TCF3: variants seen among roughly 807,000 people sequenced by gnomAD.
TCF3 encodes the protein transcription factor E2-alpha.
A neutral mutation model predicts 72.3 loss-of-function variants in TCF3; 54 were observed. The observed-to-expected ratio is 0.75, with a 90% confidence interval of 0.60 to 0.94. The LOEUF (loss-of-function observed/expected upper bound fraction) is 0.94, where lower values mean the gene tolerates loss of function less well. Among genes scored for constraint, TCF3 ranks in the 40% least tolerant of loss-of-function variants. The pLI, the probability that TCF3 is intolerant of heterozygous loss-of-function variation, is 0.00. For synonymous variants in TCF3, 525 were observed against 412.6 expected, an observed-to-expected ratio of 1.27 and a Z score of -3.30; for missense variants, 1,078 against 934.4, an observed-to-expected ratio of 1.15 and a Z score of -2.00.
At chr19:1,622,264 C>T in intron 9 of TCF3, 41 bp from the exon 10 acceptor site, 1 of 1,509,802 alleles carries the variant, frequency 6.6e-7, no homozygotes, top group Non-Finnish European at 8.9e-7. Flanking sequence ...GAGTGGGGAA[C>T]CCCAGCCCTG....
At chr19:1,622,482 G>T (rs1023915268) in intron 8 of TCF3, 67 bp from the exon 9 acceptor site, 3 of 889,830 alleles carry the variant, frequency 3.4e-6, no homozygotes, top group Non-Finnish European at 4.9e-6. Context: ...CATGCACCTT[G>T]CCGGCCTCCT....
At chr19:1,612,287 T>G in intron 18 of TCF3, 2 of 1,613,754 alleles carry the variant, frequency 1.2e-6, no homozygotes, top group Non-Finnish European at 1.7e-6. Flanking sequence ...TTTGTCCGAC[T>G]TGAGGTGCAT....
intron 3 of TCF3, among the ~76,000 whole-genome samples, chr19:1,636,268 T>C (rs1029387272): frequency 4.6e-5 from 7 of 152,026 alleles, no homozygotes; most frequent in Non-Finnish European, 1.0e-4. Flanking sequence ...CAAGTGATTT[T>C]CCCGCCTCAG....
At chr19:1,648,823 G>C (rs541629728) in intron 2 of TCF3, among the ~76,000 whole-genome samples, 19 of 150,758 alleles carry the variant, frequency 1.3e-4, no homozygotes, top group African/African-American at 4.2e-4. Context: ...GGCATGGGGG[G>C]GGGGGGGGAG....
chr19:1,642,862 G>T (rs1343341513), intron 3 of TCF3, among the ~76,000 whole-genome samples: 1 of 152,220 alleles, frequency 6.6e-6, no homozygotes, highest in East Asian at 1.9e-4. Context: ...CATGCGCCAG[G>T]TTCTCCCGGG....
intron 6 of TCF3, 64 bp downstream of exon 6, chr19:1,627,295 G>A (rs1434636068): frequency 1.5e-6 from 2 of 1,364,278 alleles, no homozygotes; most frequent in Admixed American, 4.2e-5. Flanking sequence ...CTGCAGATCA[G>A]AGAGGGTGGG....
intron 4 of TCF3, 61 bp from the exon 5 acceptor site, chr19:1,632,177 G>A (rs1019326954): frequency 5.6e-5 from 89 of 1,577,884 alleles, no homozygotes; most frequent in South Asian, 5.4e-4. Context: ...CCTCCACCCC[G>A]CATTACAGCT....
chr19:1,615,935 C>CA lies in TCF3; in HGVS notation c.1451-115dup, dbSNP rs1239356534. On this transcript the variant is annotated intron_variant, in intron 16 of 18. Transcript: ENST00000262965. This position sits in a 1 kb window ranked among gnomAD's most constrained non-coding sequence, Gnocchi z 7.3. Reference sequence around the variant, plus strand: ...TTTCCTGGAAAAACCAGGTCTTGGCCAAAAATAAAAACAAAAAACCAACAA... The same window carrying CA: ...TTTCCTGGAAAAACCAGGTCTTGGCCAAAAAATAAAAACAAAAAACCAACAA... The CA allele has an allele frequency of 3.6e-5, 48 of 1,347,218 alleles. No individual in the cohort carries two copies. Among genetic ancestry groups the CA allele is most frequent in the Non-Finnish European group, 4.6e-5 (47 of 1,019,276 alleles). The allele number at this position is 1,347,218 out of a possible 1,614,324, so 83.5% of individuals were successfully genotyped here. A position where few individuals can be genotyped will look rare whatever the true frequency, so the allele number is the denominator to read the frequency against.
At chr19:1,639,886 C>T (rs897607786) in intron 3 of TCF3, among the ~76,000 whole-genome samples, 12 of 151,662 alleles carry the variant, frequency 7.9e-5, no homozygotes. Flanking sequence ...GGGCAGAAGT[C>T]AGCAAAAGGG....
chr19:1,615,835 AG>A lies in TCF3; in HGVS notation c.1451-15del. The A allele has an allele frequency of 6.5e-7, 1 of 1,539,936 alleles. No individual in the cohort carries two copies. Among genetic ancestry groups the A allele is most frequent in the Non-Finnish European group, 8.8e-7 (1 of 1,140,436 alleles). On this transcript the variant is annotated splice_polypyrimidine_tract_variant and intron_variant, in intron 16 of 18. Transcript: ENST00000262965. The surrounding 1 kb of genome is among the most constrained non-coding windows in gnomAD (Gnocchi z 7.3). The stretch of plus-strand genomic sequence containing the variant: ...CTCGCCCTAGCCCTGCAACAGGCCT[AG>A]GGTCAGGGGCCTGCGTCGGCCTCCA...
chr19:1,630,805 G>GA (rs937864594), intron 5 of TCF3, among the ~76,000 whole-genome samples: 8 of 152,096 alleles, frequency 5.3e-5, no homozygotes, highest in African/African-American at 1.9e-4. Context: ...CAAGCAGCGG[G>GA]ACCCCCCCAA....
intron 3 of TCF3, among the ~76,000 whole-genome samples, chr19:1,645,090 G>A (rs1428422782): frequency 6.6e-6 from 1 of 152,096 alleles, no homozygotes; most frequent in Non-Finnish European, 1.5e-5. Flanking sequence ...GGGCAGCAAA[G>A]CGATGTCTCT....
At position 1,612,447 on chromosome 19, in the gene TCF3, C is replaced by T. The variant is rs745578353; in HGVS notation, c.1823-598G>A. ...TCGTCCGTACTGCTGGGTCACAGCA[C>T]CGAGGCCTCTGTTAGTGATGCGCCA... On this transcript the variant is annotated intron_variant, in intron 18 of 18. Transcript: ENST00000262965. 2.1e-5 allele frequency: 33 copies of T among 1,603,856 alleles called. No homozygotes were observed. Among genetic ancestry groups the T allele is most frequent in the Non-Finnish European group, 1.7e-6 (2 of 1,172,562 alleles).
rs141299596 is a variant in TCF3, at chr19:1,646,607, C to T, written c.73-180G>A. ...CAGACCAGAAGACTCTGAGGACTCG[C>T]GTGCCCTCAAGTGACGCTGCACCCT... is the stretch of plus-strand genomic sequence containing the variant. On this transcript the variant is annotated intron_variant, in intron 2 of 18. Coordinates refer to ENST00000262965, the MANE Select transcript of TCF3 (RefSeq NM_003200.5). Among the ~76,000 whole-genome samples the T allele has an allele frequency of 4.5e-3, 682 of 152,236 alleles. 12 individuals carry two copies. The highest frequency in any genetic ancestry group is 0.016 in the African/African-American group (649 of 41,540).
intron 15 of TCF3, 37 bp downstream of exon 15, chr19:1,619,279 C>T (rs370203158): frequency 1.9e-4 from 297 of 1,568,324 alleles, no homozygotes; most frequent in Non-Finnish European, 2.3e-4. Context: ...GCCGGGTCCC[C>T]GCCCACTGCC....
At chr19:1,618,576 A>G (rs1408228905) in intron 16 of TCF3, among the ~76,000 whole-genome samples, 1 of 121,498 alleles carries the variant, frequency 8.2e-6, no homozygotes, top group Admixed American at 1.1e-4. Context: ...TGTTCCTCCC[A>G]GGTGCAGTCC....
chr19:1,630,915 G>T (rs967814657), intron 5 of TCF3, among the ~76,000 whole-genome samples: 1 of 152,258 alleles, frequency 6.6e-6, no homozygotes, highest in South Asian at 2.1e-4. Context: ...TCACCCGCAG[G>T]AGGGACCGCA....
intron 3 of TCF3, among the ~76,000 whole-genome samples, chr19:1,640,093 C>T (rs901863143): frequency 6.6e-6 from 1 of 152,288 alleles, no homozygotes. Context: ...TTGAGGACCG[C>T]GGCGCCCTCA....
At chr19:1,633,754 G>A (rs543493464) in intron 3 of TCF3, among the ~76,000 whole-genome samples, 10 of 152,294 alleles carry the variant, frequency 6.6e-5, no homozygotes, top group Admixed American at 1.3e-4. Context: ...GAATCCACAC[G>A]GCATTCGCTG....
Sources: allele counts gnomAD v4.1 joint callset (sites outside exome capture counted in the v4.1 genomes callset), GRCh38; gene constraint gnomAD v4.1.1; non-coding constraint Gnocchi (gnomAD v3.1); transcripts MANE v1.5; gene names NCBI Gene and HGNC (gene_info 2026-07-23, HGNC 2026-07-21).